The following TRAPPC9 variants were observed in gnomAD, a reference collection of about 807,000 sequenced individuals.
The protein encoded by TRAPPC9 is IKK2 binding protein.
Under a neutral mutation model 124.0 loss-of-function variants are expected in TRAPPC9, and 83 were observed. The observed-to-expected ratio is 0.67, with a 90% CI of 0.56 to 0.80. The LOEUF is 0.80. Ranked by LOEUF, TRAPPC9 falls within the 30% of genes least tolerant of loss-of-function variation. TRAPPC9 has a pLI of 0.00. For synonymous variants in TRAPPC9, 638 were observed against 617.5 expected (o/e 1.03, Z -0.49); for missense variants, 1,302 against 1,508.3 (o/e 0.86, Z 2.27).
At chr8:140,404,320 T>C (rs1364763281) in intron 6 of TRAPPC9, among the ~76,000 whole-genome samples, 1 of 152,072 alleles carries the variant, frequency 6.6e-6, no homozygotes, top group Non-Finnish European at 1.5e-5. Flanking sequence ...TAATTCACGG[T>C]GAAAAAGTGA....
intron 17 of TRAPPC9, among the ~76,000 whole-genome samples, chr8:140,111,385 C>G (rs974304116): frequency 2.5e-4 from 38 of 152,286 alleles, no homozygotes; most frequent in African/African-American, 9.1e-4. Flanking sequence ...TGGCCGCCAG[C>G]TCCATGAGCA....
intron 10 of TRAPPC9, among the ~76,000 whole-genome samples, chr8:140,308,318 T>C (rs1470059705): frequency 6.7e-6 from 1 of 149,396 alleles, no homozygotes; most frequent in African/African-American, 2.5e-5. Flanking sequence ...CTCTAAGCGG[T>C]GGGGAGCAGA....
intron 17 of TRAPPC9, among the ~76,000 whole-genome samples, chr8:140,074,850 G>A (rs978185388): frequency 2.6e-5 from 4 of 152,154 alleles, no homozygotes; most frequent in Non-Finnish European, 2.9e-5. Flanking sequence ...AGGGACTACG[G>A]GACCACAGCA....
At chr8:139,910,478 G>C (rs914612076) in intron 19 of TRAPPC9, among the ~76,000 whole-genome samples, 178 bp from the exon 20 acceptor site, 1 of 152,196 alleles carries the variant, frequency 6.6e-6, no homozygotes, top group Non-Finnish European at 1.5e-5. Flanking sequence ...CCTGACTTCA[G>C]AGCTGGTTCA....
intron 7 of TRAPPC9, among the ~76,000 whole-genome samples, chr8:140,376,684 T>C (rs1297533415): frequency 6.6e-6 from 1 of 151,218 alleles, no homozygotes; most frequent in East Asian, 1.9e-4. Context: ...GAGACCAGCC[T>C]GGCCAACATA....
At chr8:140,030,660 G>A (rs548568049) in intron 17 of TRAPPC9, among the ~76,000 whole-genome samples, 27 of 152,230 alleles carry the variant, frequency 1.8e-4, no homozygotes, top group African/African-American at 5.5e-4. Flanking sequence ...TTCACAAAAC[G>A]AAATACTACT....
chr8:140,003,834 C>T (rs184121050), intron 18 of TRAPPC9, among the ~76,000 whole-genome samples: 73 of 152,258 alleles, frequency 4.8e-4, no homozygotes, highest in Middle Eastern at 6.8e-3. Context: ...ATCCAGCAAT[C>T]CCAGTCTTAG....
Position 140,209,840 on chromosome 8 carries a change from T to C in TRAPPC9, c.2556+11619A>G, listed in dbSNP as rs138601557. On this transcript the variant is annotated intron_variant, in intron 17 of 22. Coordinates refer to ENST00000438773, the MANE Select transcript of TRAPPC9 (RefSeq NM_001160372.4). Reference sequence around the variant, plus strand: ...TTGAGACAGAATGTTTTGTATCCCATAATAAGTTGGGAAACTTAGAAATTA... The same window carrying C: ...TTGAGACAGAATGTTTTGTATCCCACAATAAGTTGGGAAACTTAGAAATTA... Among the ~76,000 whole-genome samples, 466 of 152,340 alleles carry C rather than the reference T, an allele frequency of 3.1e-3. 4 individuals are homozygous for C. The highest frequency in any genetic ancestry group is 0.01 in the African/African-American group (425 of 41,578).
At position 139,752,009 on chromosome 8, in the gene TRAPPC9, C is replaced by T. The variant is rs150027929; in HGVS notation, c.3056-19807G>A. Among the ~76,000 whole-genome samples the T allele has an allele frequency of 6.5e-3, 984 of 151,490 alleles. 5 individuals are homozygous for T. Among genetic ancestry groups the T allele is most frequent in the Middle Eastern group, 0.034 (10 of 292 alleles). ...CTTTGTCCGTCTACCATCCATCTAT[C>T]CATCCATCCAAAATCCACCACTCAT... On this transcript the variant is annotated intron_variant, in intron 21 of 22. Transcript: ENST00000438773.
chr8:139,944,639 A>G (rs554809924), intron 19 of TRAPPC9, among the ~76,000 whole-genome samples: 20 of 152,362 alleles, frequency 1.3e-4, no homozygotes, highest in Non-Finnish European at 2.6e-4. Flanking sequence ...TTCATATATA[A>G]ATACATACAT....
intron 21 of TRAPPC9, among the ~76,000 whole-genome samples, chr8:139,762,912 T>C (rs1391282480): frequency 6.6e-6 from 1 of 152,030 alleles, no homozygotes; most frequent in Non-Finnish European, 1.5e-5. Flanking sequence ...TGATGGGAGG[T>C]GGAGCAGCGC....
chr8:140,153,852 C>T (rs1188585224), intron 17 of TRAPPC9, among the ~76,000 whole-genome samples: 1 of 152,202 alleles, frequency 6.6e-6, no homozygotes, highest in Non-Finnish European at 1.5e-5. Context: ...CCACCTCTCT[C>T]CATTCGCATC....
rs73713119 is a variant in TRAPPC9, at chr8:140,394,812, G to A, written c.1134+2808C>T. Among the ~76,000 whole-genome samples the A allele has an allele frequency of 8.7e-3, 1,318 of 152,200 alleles. 16 individuals are homozygous for A. Among genetic ancestry groups the A allele is most frequent in the African/African-American group, 0.029 (1,184 of 41,504 alleles). ...AGAGGCTCCTCAGCACCACTCTGCC[G>A]GGTACTTTTCACTCTCCTCAGAGAA... On this transcript the variant is annotated intron_variant, in intron 7 of 22. Coordinates refer to ENST00000438773, the MANE Select transcript of TRAPPC9 (RefSeq NM_001160372.4).
intron 21 of TRAPPC9, among the ~76,000 whole-genome samples, chr8:139,802,202 C>T (rs1563824828): frequency 6.6e-6 from 1 of 152,208 alleles, no homozygotes; most frequent in Non-Finnish European, 1.5e-5. Context: ...GAATCTGGCC[C>T]TGCACAAATG....
At chr8:139,748,148 G>A (rs183486715) in intron 21 of TRAPPC9, among the ~76,000 whole-genome samples, 15 of 25,522 alleles carry the variant, frequency 5.9e-4, no homozygotes, top group African/African-American at 1.5e-3. Flanking sequence ...TTGGGGGGGC[G>A]TACAGGGGTC....
At chr8:140,303,285 A>G (rs1001430234) in intron 10 of TRAPPC9, among the ~76,000 whole-genome samples, 24 of 152,158 alleles carry the variant, frequency 1.6e-4, no homozygotes, top group Non-Finnish European at 2.1e-4. Context: ...AAAATATTCA[A>G]TGAGTCCCAC....
At chr8:140,371,253 T>C in intron 7 of TRAPPC9, 73 bp from the exon 8 acceptor site, 5 of 1,390,172 alleles carry the variant, frequency 3.6e-6, no homozygotes, top group Non-Finnish European at 4.0e-6. Flanking sequence ...ACATTAAAAA[T>C]GTCTCTTCAT....
intron 17 of TRAPPC9, among the ~76,000 whole-genome samples, chr8:140,110,886 A>G (rs556064364): frequency 1.6e-3 from 1 of 636 alleles, no homozygotes; most frequent in African/African-American, 9.1e-3. Flanking sequence ...CTCCCCCCAT[A>G]CTCCCCCTGC....
chr8:139,811,480 T>C (rs1586898980), intron 21 of TRAPPC9, among the ~76,000 whole-genome samples: 1 of 152,146 alleles, frequency 6.6e-6, no homozygotes, highest in East Asian at 1.9e-4. Flanking sequence ...AACAAATGAG[T>C]TTCGAAGAAC....
Sources: allele counts gnomAD v4.1 joint callset (sites outside exome capture counted in the v4.1 genomes callset), GRCh38; gene constraint gnomAD v4.1.1; transcripts MANE v1.5; gene names NCBI Gene and HGNC (gene_info 2026-07-23, HGNC 2026-07-21).